The following FAM78B variants were observed in gnomAD, a reference collection of about 807,000 sequenced individuals.
FAM78B encodes the protein family with sequence similarity 78 member B, also known as protein FAM78B.
Under a neutral mutation model 20.0 loss-of-function variants are expected in FAM78B, and 10 were observed. That is an observed-to-expected ratio of 0.50 (90% CI 0.31 to 0.85). FAM78B has a LOEUF of 0.85. FAM78B is among the 40% of genes least tolerant of loss of function. The pLI is 0.05. For missense variants in FAM78B, 283 were observed against 345.0 expected, an observed-to-expected ratio of 0.82 and a Z score of 1.42; for synonymous variants, 135 against 132.8, an observed-to-expected ratio of 1.02 and a Z score of -0.12.
At chr1:166,157,030 C>T (rs116077628) in intron 1 of FAM78B, among the ~76,000 whole-genome samples, 73 of 12,942 alleles carry the variant, frequency 5.6e-3, no homozygotes, top group African/African-American at 0.011. Flanking sequence ...GTCAAGGGGG[C>T]GGCGGAGGGG....
intron 1 of FAM78B, among the ~76,000 whole-genome samples, chr1:166,108,567 T>G (rs1433804925): frequency 6.6e-6 from 1 of 152,146 alleles, no homozygotes; most frequent in Admixed American, 6.6e-5. Flanking sequence ...ATCAATATTG[T>G]GAAAATGACC....
rs142680130 is a variant in FAM78B at position 166,107,814 on chromosome 1, A to G, written c.264-37051T>C. 8.5e-4 allele frequency among the ~76,000 whole-genome samples: 129 copies of G among 152,306 alleles called. 1 individual carries two copies. Among genetic ancestry groups the G allele is most frequent in the African/African-American group, 2.8e-3 (117 of 41,584 alleles). On this transcript the variant is annotated intron_variant, in intron 1 of 1. Coordinates refer to ENST00000354422, the MANE Select transcript of FAM78B (RefSeq NM_001017961.5). The stretch of plus-strand genomic sequence containing the variant: ...TCCGTGATGATCAAGTGGGTTTCAT[A>G]CCACGGATGCAGGGATGGTTTAACA...
intron 1 of FAM78B, among the ~76,000 whole-genome samples, chr1:166,111,258 T>C (rs1030300948): frequency 6.6e-6 from 1 of 152,194 alleles, no homozygotes; most frequent in Non-Finnish European, 1.5e-5. Context: ...ATGTACGAAG[T>C]TGTCAGAAAT....
chr1:166,066,027 A>G (rs1477082947), downstream of FAM78B, among the ~76,000 whole-genome samples: 1 of 152,226 alleles, frequency 6.6e-6, no homozygotes, highest in Non-Finnish European at 1.5e-5. Context: ...AGCACGTTCA[A>G]TGTGCTAACC....
intron 1 of FAM78B, among the ~76,000 whole-genome samples, chr1:166,106,103 A>C (rs1463299261): frequency 6.6e-6 from 1 of 151,584 alleles, no homozygotes; most frequent in Non-Finnish European, 1.5e-5. Flanking sequence ...AAGTATCACA[A>C]GGACGAAAAA....
chr1:166,105,076 A>G (rs553202513), intron 1 of FAM78B, among the ~76,000 whole-genome samples: 2 of 152,240 alleles, frequency 1.3e-5, no homozygotes, highest in Non-Finnish European at 2.9e-5. Context: ...CTGATCTTTG[A>G]CAAACCTGAC....
At chr1:166,115,569 C>T (rs763817917) in intron 1 of FAM78B, among the ~76,000 whole-genome samples, 1 of 152,126 alleles carries the variant, frequency 6.6e-6, no homozygotes, top group East Asian at 1.9e-4. Context: ...ATCTGTGTGC[C>T]GGGGATGTCC....
At chr1:166,067,276 G>A (rs918740966), downstream of FAM78B, among the ~76,000 whole-genome samples, 15 of 152,056 alleles carry the variant, frequency 9.9e-5, no homozygotes, top group African/African-American at 3.4e-4. Context: ...CTAATTTAAC[G>A]AGGCCTCAAA....
chr1:166,155,772 G>T (rs1470678440), intron 1 of FAM78B, among the ~76,000 whole-genome samples: 3 of 152,172 alleles, frequency 2.0e-5, no homozygotes, highest in Admixed American at 2.0e-4. Context: ...TGGAATGGAG[G>T]CTCAGCGTGT....
intron 1 of FAM78B, among the ~76,000 whole-genome samples, chr1:166,126,382 G>T (rs1037172681): frequency 6.6e-6 from 1 of 152,168 alleles, no homozygotes; most frequent in Non-Finnish European, 1.5e-5. Flanking sequence ...CACAATAAAT[G>T]AGTAGTAAAC....
chr1:166,103,883 T>G (rs555977688), intron 1 of FAM78B, among the ~76,000 whole-genome samples: 2 of 152,266 alleles, frequency 1.3e-5, no homozygotes, highest in African/African-American at 4.8e-5. Flanking sequence ...TACCAAAGCC[T>G]GGCAGAGACA....
rs1295003945 is a variant in FAM78B at position 166,117,393 on chromosome 1, G to A, written c.264-46630C>T. Among the ~76,000 whole-genome samples the A allele has an allele frequency of 2.6e-5, 4 of 151,984 alleles. No individual in the cohort carries two copies. In the East Asian group the frequency reaches 5.8e-4, roughly 22 times the overall value. On this transcript the variant is annotated intron_variant, in intron 1 of 1. Coordinates refer to ENST00000354422, the MANE Select transcript of FAM78B (RefSeq NM_001017961.5). ...TTATTATTTTTTTTTGTAAGGGGATGAGTATCAGTTGTGAGGCACATTTTC... is the reference window on the plus strand; with the variant it reads ...TTATTATTTTTTTTTGTAAGGGGATAAGTATCAGTTGTGAGGCACATTTTC...
intron 1 of FAM78B, among the ~76,000 whole-genome samples, chr1:166,072,411 T>A (rs1571132555): frequency 6.6e-6 from 1 of 152,298 alleles, no homozygotes; most frequent in African/African-American, 2.4e-5. Context: ...AGACACTAAG[T>A]AAGGAATTGA....
chr1:166,090,523 G>A (rs1025018777), intron 1 of FAM78B, among the ~76,000 whole-genome samples: 1 of 152,168 alleles, frequency 6.6e-6, no homozygotes, highest in Admixed American at 6.5e-5. Context: ...CTATTAACTC[G>A]GTCCTTTCAT....
intron 1 of FAM78B, among the ~76,000 whole-genome samples, chr1:166,077,902 A>ATC (rs1296512608): frequency 1.1e-3 from 6 of 5,274 alleles, no homozygotes; most frequent in Non-Finnish European, 1.6e-3. Context: ...TATATAATTT[A>ATC]TATATATAAT....
At chr1:166,146,373 C>T (rs556717728) in intron 1 of FAM78B, among the ~76,000 whole-genome samples, 4 of 152,260 alleles carry the variant, frequency 2.6e-5, no homozygotes, top group African/African-American at 9.6e-5. Context: ...TTTCATAGTC[C>T]TCTCATACCA....
chr1:166,071,742 C>T (rs992517549), intron 1 of FAM78B, among the ~76,000 whole-genome samples: 7 of 152,272 alleles, frequency 4.6e-5, no homozygotes, highest in Non-Finnish European at 1.0e-4. Flanking sequence ...GACAAAGGTC[C>T]TAAAGATTCC....
chr1:166,097,465 G>T (rs1006575538), intron 1 of FAM78B, among the ~76,000 whole-genome samples: 1 of 152,212 alleles, frequency 6.6e-6, no homozygotes, highest in Non-Finnish European at 1.5e-5. Flanking sequence ...CCAGGGGCAG[G>T]TTTTCAAGCC....
At chr1:166,113,120 C>A (rs1324476738) in intron 1 of FAM78B, among the ~76,000 whole-genome samples, 1 of 152,226 alleles carries the variant, frequency 6.6e-6, no homozygotes, top group Non-Finnish European at 1.5e-5. Context: ...CCAGACCCTG[C>A]ACATGCTGTC....
Sources: allele counts gnomAD v4.1 joint callset (sites outside exome capture counted in the v4.1 genomes callset), GRCh38; gene constraint gnomAD v4.1.1; transcripts MANE v1.5; gene names NCBI Gene and HGNC (gene_info 2026-07-23, HGNC 2026-07-21).